Variants in CTNNA2 observed in about 807,000 individuals in gnomAD.
CTNNA2 encodes catenin alpha 2.
A neutral mutation model predicts 101.0 loss-of-function variants in CTNNA2; 42 were observed. That is an observed-to-expected ratio of 0.42 (90% CI 0.32 to 0.54). The LOEUF (loss-of-function observed/expected upper bound fraction) is 0.54, where lower values mean the gene tolerates loss of function less well. Ranked by LOEUF, CTNNA2 falls within the 20% of genes least tolerant of loss-of-function variation. The pLI, the probability that CTNNA2 is intolerant of heterozygous loss-of-function variation, is 0.14. For missense variants in CTNNA2, 871 were observed against 1,223.1 expected, an observed-to-expected ratio of 0.71 and a Z score of 4.29; for synonymous variants, 450 against 456.4, an observed-to-expected ratio of 0.99 and a Z score of 0.18.
chr2:79,362,078 G>A (rs1677643777), intron 3 of CTNNA2, among the ~76,000 whole-genome samples: 1 of 152,104 alleles, frequency 6.6e-6, no homozygotes, highest in Non-Finnish European at 1.5e-5. Context: ...TGCTATCATG[G>A]TGGTCAGCAA....
At chr2:79,185,881 T>G (rs565182054) in intron 1 of CTNNA2, among the ~76,000 whole-genome samples, 12 of 152,288 alleles carry the variant, frequency 7.9e-5, no homozygotes, top group African/African-American at 2.6e-4. Flanking sequence ...AAAGGGAAGA[T>G]GTGTGGTGTT....
At position 79,944,083 on chromosome 2, in the gene CTNNA2, C is replaced by T. The variant is rs980494954; in HGVS notation, c.1056+34286C>T. Reference sequence around the variant, plus strand: ...TAAAATAAAAGAAACAAATAACTTACAGGGAAATTAACAAAGGAGGATTCT... The same window carrying T: ...TAAAATAAAAGAAACAAATAACTTATAGGGAAATTAACAAAGGAGGATTCT... On this transcript the variant is annotated intron_variant, in intron 7 of 18. Transcript: ENST00000402739. 3.0e-4 allele frequency among the ~76,000 whole-genome samples: 46 copies of T among 151,708 alleles called. 1 individual carries two copies. The highest frequency in any genetic ancestry group is 2.9e-3 in the Admixed American group (44 of 15,200).
At chr2:79,238,629 G>A (rs550754602) in intron 2 of CTNNA2, among the ~76,000 whole-genome samples, 1 of 152,280 alleles carries the variant, frequency 6.6e-6, no homozygotes, top group South Asian at 2.1e-4. Context: ...TCCAGTTATT[G>A]CTAATGTAGA....
intron 7 of CTNNA2, among the ~76,000 whole-genome samples, chr2:79,941,120 G>C (rs1177498815): frequency 6.6e-6 from 1 of 152,168 alleles, no homozygotes; most frequent in Non-Finnish European, 1.5e-5. Context: ...GCAGATCCCA[G>C]CATTGCTCTC....
chr2:79,709,781 C>T (rs1208952223), intron 2 of CTNNA2, among the ~76,000 whole-genome samples: 8 of 151,874 alleles, frequency 5.3e-5, no homozygotes, highest in African/African-American at 1.2e-4. Context: ...GGGTACAGAG[C>T]GAGACCAAAA....
At chr2:80,028,751 A>G (rs764354640) in intron 7 of CTNNA2, among the ~76,000 whole-genome samples, 3 of 152,220 alleles carry the variant, frequency 2.0e-5, no homozygotes, top group Admixed American at 6.5e-5. Context: ...ACAGAGTTAG[A>G]GAGAGGTGTG....
At chr2:80,312,901 A>T (rs1450797955) in intron 7 of CTNNA2, among the ~76,000 whole-genome samples, 2 of 152,238 alleles carry the variant, frequency 1.3e-5, no homozygotes, top group Non-Finnish European at 2.9e-5. Flanking sequence ...GAGAATTGCC[A>T]CATAGCACTA....
intron 1 of CTNNA2, among the ~76,000 whole-genome samples, chr2:79,576,441 G>GT (rs1675805385): frequency 6.6e-6 from 1 of 152,088 alleles, no homozygotes; most frequent in African/African-American, 2.4e-5. Flanking sequence ...CTGTAGCTCG[G>GT]TTTTTTAAAG....
At chr2:79,681,947 C>T (rs985867441) in intron 2 of CTNNA2, among the ~76,000 whole-genome samples, 1 of 152,144 alleles carries the variant, frequency 6.6e-6, no homozygotes, top group African/African-American at 2.4e-5. Context: ...AAATTTTATT[C>T]TTCTTCCTAC....
chr2:79,838,397 A>T (rs1679552783), intron 3 of CTNNA2, among the ~76,000 whole-genome samples: 1 of 152,136 alleles, frequency 6.6e-6, no homozygotes, highest in African/African-American at 2.4e-5. Context: ...TAGAAGAAGA[A>T]AGGAATGTTG....
intron 1 of CTNNA2, among the ~76,000 whole-genome samples, chr2:79,618,302 A>G (rs1193962559): frequency 1.3e-5 from 2 of 152,072 alleles, no homozygotes; most frequent in Admixed American, 6.5e-5. Flanking sequence ...TTTGTTTGCA[A>G]TTTTATGTTT....
chr2:80,409,126 G>A (rs901921760), intron 8 of CTNNA2, among the ~76,000 whole-genome samples: 1 of 152,066 alleles, frequency 6.6e-6, no homozygotes, highest in African/African-American at 2.4e-5. Context: ...TGGGTTCAGC[G>A]ATCTGAGCAA....
chr2:79,223,663 A>G (rs1674373450), intron 2 of CTNNA2, among the ~76,000 whole-genome samples: 2 of 152,112 alleles, frequency 1.3e-5, no homozygotes, highest in South Asian at 2.1e-4. Context: ...TTCTATTTCC[A>G]TTCTCCTATT....
intron 7 of CTNNA2, among the ~76,000 whole-genome samples, chr2:80,052,113 GTGTT>G (rs1260380253): frequency 5.3e-5 from 8 of 152,292 alleles, no homozygotes; most frequent in Admixed American, 2.6e-4. Flanking sequence ...GACTCACAAA[GTGTT>G]TGACTTGTTT....
chr2:79,345,761 C>T (rs1677247933), intron 3 of CTNNA2, among the ~76,000 whole-genome samples: 1 of 151,808 alleles, frequency 6.6e-6, no homozygotes, highest in African/African-American at 2.4e-5. Context: ...GGCACAGTTT[C>T]GACTCACTGC....
At chr2:79,341,246 C>A (rs1354218850) in intron 3 of CTNNA2, among the ~76,000 whole-genome samples, 1 of 152,042 alleles carries the variant, frequency 6.6e-6, no homozygotes, top group East Asian at 1.9e-4. Context: ...CAGACCTTAG[C>A]GTACTTACAG....
At chr2:80,315,764 A>G (rs1214006277) in intron 7 of CTNNA2, among the ~76,000 whole-genome samples, 1 of 152,210 alleles carries the variant, frequency 6.6e-6, no homozygotes, top group African/African-American at 2.4e-5. Context: ...TTGTTTTTGC[A>G]GTTTAAGTAC....
intron 2 of CTNNA2, among the ~76,000 whole-genome samples, chr2:79,300,015 A>G (rs1255755019): frequency 6.6e-6 from 1 of 152,232 alleles, no homozygotes; most frequent in African/African-American, 2.4e-5. Context: ...ATCTTGCATT[A>G]GTGTAATACA....
chr2:79,403,646 A>G (rs1371932266), intron 4 of CTNNA2, among the ~76,000 whole-genome samples: 1 of 152,042 alleles, frequency 6.6e-6, no homozygotes, highest in Non-Finnish European at 1.5e-5. Context: ...CATAGGAGGA[A>G]AAGTCTAACT....
Sources: allele counts gnomAD v4.1 joint callset (sites outside exome capture counted in the v4.1 genomes callset), GRCh38; gene constraint gnomAD v4.1.1; transcripts MANE v1.5; gene names NCBI Gene and HGNC (gene_info 2026-07-23, HGNC 2026-07-21).